DDX42: variants seen among roughly 807,000 people sequenced by gnomAD.
DDX42 encodes ATP-dependent RNA helicase DDX42.
Under a neutral mutation model 101.5 loss-of-function variants are expected in DDX42, and 22 were observed. The observed-to-expected ratio is 0.22, with a 90% CI of 0.15 to 0.31. The LOEUF (loss-of-function observed/expected upper bound fraction) is 0.31. Ranked by LOEUF, DDX42 falls within the 10% of genes least tolerant of loss-of-function variation. The pLI is 1.00. For missense variants in DDX42, 849 were observed against 1,199.9 expected, an observed-to-expected ratio of 0.71 and a Z score of 4.32; for synonymous variants, 402 against 401.2, an observed-to-expected ratio of 1.00 and a Z score of -0.02.
At chr17:63,777,640 G>T (rs1235403121) in intron 1 of DDX42, among the ~76,000 whole-genome samples, 2 of 151,908 alleles carry the variant, frequency 1.3e-5, no homozygotes, top group Non-Finnish European at 2.9e-5. Context: ...AATAGAGATG[G>T]GGTTTCAGCA....
chr17:63,786,854 T>C (rs1212032683), intron 1 of DDX42, among the ~76,000 whole-genome samples, 180 bp from the exon 2 acceptor site: 7 of 151,958 alleles, frequency 4.6e-5, no homozygotes, highest in African/African-American at 1.7e-4. Context: ...ATTTTTGTAT[T>C]TTTAGTAGAG....
At chr17:63,791,313 G>A (rs2039624639) in intron 2 of DDX42, among the ~76,000 whole-genome samples, 1 of 152,028 alleles carries the variant, frequency 6.6e-6, no homozygotes, top group South Asian at 2.1e-4. Context: ...TTATTTTCTT[G>A]CTTTTTTCCT....
intron 13 of DDX42, 55 bp from the exon 14 acceptor site, chr17:63,811,877 C>G: frequency 6.2e-7 from 1 of 1,610,444 alleles, no homozygotes; most frequent in African/African-American, 1.3e-5. Flanking sequence ...AGTCCTTGTT[C>G]AGGTGCCCTG....
At chr17:63,801,588 G>A (rs1329152613) in intron 6 of DDX42, among the ~76,000 whole-genome samples, 1 of 151,652 alleles carries the variant, frequency 6.6e-6, no homozygotes, top group Non-Finnish European at 1.5e-5. Context: ...GGAGTGCAGT[G>A]GCGCAATCTT....
At chr17:63,785,972 A>G (rs2039543412) in intron 1 of DDX42, among the ~76,000 whole-genome samples, 2 of 152,204 alleles carry the variant, frequency 1.3e-5, no homozygotes, top group Admixed American at 6.6e-5. Flanking sequence ...ATAAGGATGA[A>G]GATATTTAGT....
intron 1 of DDX42, among the ~76,000 whole-genome samples, chr17:63,776,955 T>G (rs1311228888): frequency 6.6e-6 from 1 of 152,248 alleles, no homozygotes; most frequent in East Asian, 1.9e-4. Flanking sequence ...GTTGCCCAGG[T>G]TGGAGTGCAG....
chr17:63,778,385 A>G (rs2039446561), intron 1 of DDX42, among the ~76,000 whole-genome samples: 1 of 152,206 alleles, frequency 6.6e-6, no homozygotes, highest in South Asian at 2.1e-4. Flanking sequence ...CATTCATCTC[A>G]GAGAGGCCTT....
chr17:63,816,559 C>A lies in DDX42; in HGVS notation c.2014-309C>A, dbSNP rs2144593258. 1.4e-5 allele frequency: 3 copies of A among 213,528 alleles called. No homozygotes were observed. In the South Asian group the frequency reaches 2.6e-4, roughly 19 times the overall value. The allele number at this position is 213,528 out of a possible 1,614,324, so 13.2% of individuals were successfully genotyped here. On this transcript the variant is annotated intron_variant, in intron 16 of 17. Transcript: ENST00000389924. ...CACAATATGCTATTCAGGGCCTTTTCATCTTTAACGTAATTTTTACTTAAT... is the reference window on the plus strand; with the variant it reads ...CACAATATGCTATTCAGGGCCTTTTAATCTTTAACGTAATTTTTACTTAAT...
chr17:63,812,940 G>A (rs1311058058), intron 14 of DDX42, among the ~76,000 whole-genome samples: 3 of 152,182 alleles, frequency 2.0e-5, no homozygotes, highest in Admixed American at 6.5e-5. Flanking sequence ...CAGGAGAATT[G>A]CTTGAACCAG....
intron 1 of DDX42, chr17:63,775,128 CTA>C (rs1229639580): frequency 6.6e-6 from 1 of 152,616 alleles, no homozygotes; most frequent in Non-Finnish European, 1.5e-5. Context: ...AGCGCAGGGA[CTA>C]TGTCTTAAGG....
At chr17:63,803,164 C>G (rs191532869) in intron 6 of DDX42, among the ~76,000 whole-genome samples, 314 of 152,162 alleles carry the variant, frequency 2.1e-3, no homozygotes, top group African/African-American at 7.2e-3. Context: ...AAGCTCAACT[C>G]AAAATACATG....
chr17:63,817,687 CTT>C lies in DDX42; in HGVS notation c.2113-5_2113-4del. 6.2e-7 allele frequency: 1 copy of C among 1,610,910 alleles called. No individual in the cohort carries two copies. The highest frequency in any genetic ancestry group is 8.5e-7 in the Non-Finnish European group (1 of 1,177,432). On this transcript the variant is annotated splice_region_variant and splice_polypyrimidine_tract_variant and intron_variant, in intron 17 of 17. Transcript: ENST00000389924. ...TTACCTACTCCTGATGTCTCTTTCT[CTT>C]TCAGTCACAGTACAAGAGTCACTTT... is the stretch of plus-strand genomic sequence containing the variant.
intron 6 of DDX42, among the ~76,000 whole-genome samples, chr17:63,803,680 T>C (rs879922815): frequency 6.6e-6 from 1 of 150,548 alleles, no homozygotes; most frequent in Non-Finnish European, 1.5e-5. Context: ...GGAGTCCTGC[T>C]CTGTCGCCCA....
At chr17:63,778,086 C>T (rs891606360) in intron 1 of DDX42, among the ~76,000 whole-genome samples, 3 of 151,940 alleles carry the variant, frequency 2.0e-5, no homozygotes, top group Non-Finnish European at 4.4e-5. Flanking sequence ...AAAGGGTTTT[C>T]GATAAGCATC....
Position 63,807,919 on chromosome 17 carries a change from AT to A in DDX42, c.1023+20del. ...CCAGCAGGTATGTGCTTTCTATAGA[AT>A]GCCTCCTTCCATATGTGGACTAGCA... On this transcript the variant is annotated intron_variant, in intron 9 of 17. Coordinates refer to ENST00000389924, the MANE Select transcript of DDX42 (RefSeq NM_203499.3). 1 of 1,602,560 alleles carries A rather than the reference AT, an allele frequency of 6.2e-7. No individual in the cohort carries two copies. The highest frequency in any genetic ancestry group is 8.5e-7 in the Non-Finnish European group (1 of 1,173,944).
intron 6 of DDX42, among the ~76,000 whole-genome samples, chr17:63,804,201 T>C (rs747088989): frequency 6.6e-6 from 1 of 151,936 alleles, no homozygotes; most frequent in Non-Finnish European, 1.5e-5. Flanking sequence ...TCCCAGCTAC[T>C]GGAGAGGCTG....
At chr17:63,782,273 C>T (rs567668441) in intron 1 of DDX42, among the ~76,000 whole-genome samples, 26 of 152,270 alleles carry the variant, frequency 1.7e-4, no homozygotes, top group African/African-American at 5.1e-4. Context: ...AGCAAGACTC[C>T]GTCTTGGGGA....
intron 2 of DDX42, among the ~76,000 whole-genome samples, chr17:63,788,539 C>A (rs1201257863): frequency 6.6e-6 from 1 of 151,796 alleles, no homozygotes. Flanking sequence ...ATCTCCTGAC[C>A]TCATGATCCG....
At chr17:63,806,759 T>C (rs1241578026) in intron 8 of DDX42, 105 bp downstream of exon 8, 1 of 1,319,496 alleles carries the variant, frequency 7.6e-7, no homozygotes, top group African/African-American at 1.5e-5. Flanking sequence ...TGTAGAACCT[T>C]GTTGATAAGG....
Sources: allele counts gnomAD v4.1 joint callset (sites outside exome capture counted in the v4.1 genomes callset), GRCh38; gene constraint gnomAD v4.1.1; transcripts MANE v1.5; gene names NCBI Gene and HGNC (gene_info 2026-07-23, HGNC 2026-07-21).